The following ADK variants were observed in gnomAD, a reference collection of about 807,000 sequenced individuals.
ADK encodes the protein N6,N6-dimethyladenosine kinase.
A neutral mutation model predicts 44.7 loss-of-function variants in ADK; 24 were observed. The observed-to-expected ratio is 0.54, with a 90% CI of 0.39 to 0.76. ADK has a LOEUF of 0.76. ADK is among the 30% of genes least tolerant of loss of function. The pLI is 0.00. For missense variants in ADK, 321 were observed against 425.1 expected, an observed-to-expected ratio of 0.76 and a Z score of 2.15; for synonymous variants, 128 against 142.6, an observed-to-expected ratio of 0.90 and a Z score of 0.73.
At chr10:74,502,191 G>A (rs1847907330) in intron 6 of ADK, among the ~76,000 whole-genome samples, 2 of 152,024 alleles carry the variant, frequency 1.3e-5, no homozygotes. Context: ...TTTTAGCCCA[G>A]TGATTTCTTT....
At chr10:74,441,545 T>C (rs753496926) in intron 6 of ADK, among the ~76,000 whole-genome samples, 2 of 152,170 alleles carry the variant, frequency 1.3e-5, no homozygotes, top group Non-Finnish European at 2.9e-5. Flanking sequence ...TTATTTTACA[T>C]GAGACACAAA....
intron 7 of ADK, among the ~76,000 whole-genome samples, chr10:74,549,508 C>T (rs996916660): frequency 6.6e-6 from 1 of 152,190 alleles, no homozygotes; most frequent in Non-Finnish European, 1.5e-5. Flanking sequence ...AATCACCACT[C>T]AGTGGCAGTC....
chr10:74,235,897 G>A (rs1844941380), intron 3 of ADK, among the ~76,000 whole-genome samples: 1 of 152,218 alleles, frequency 6.6e-6, no homozygotes, highest in South Asian at 2.1e-4. Context: ...TTGTTATAAA[G>A]TGAGTCTGGC....
At chr10:74,388,134 C>G (rs531588835) in intron 4 of ADK, among the ~76,000 whole-genome samples, 1 of 152,068 alleles carries the variant, frequency 6.6e-6, no homozygotes, top group African/African-American at 2.4e-5. Flanking sequence ...CTTGAACTCC[C>G]AACCTCAGGT....
intron 6 of ADK, among the ~76,000 whole-genome samples, chr10:74,473,535 G>A (rs890523192): frequency 2.0e-5 from 3 of 152,136 alleles, no homozygotes; most frequent in African/African-American, 7.2e-5. Flanking sequence ...TTGTGGCCTT[G>A]ACACTTATGA....
chr10:74,480,112 G>A (rs1258910572), intron 6 of ADK, among the ~76,000 whole-genome samples: 3 of 151,552 alleles, frequency 2.0e-5, no homozygotes, highest in African/African-American at 7.3e-5. Context: ...AAGACAGCTT[G>A]GCTGCATATA....
intron 6 of ADK, among the ~76,000 whole-genome samples, chr10:74,416,031 TATACACACAC>T (rs1328115253): frequency 1.4e-3 from 115 of 82,866 alleles, no homozygotes; most frequent in African/African-American, 4.0e-3. Context: ...CACATACATA[TATACACACAC>T]ACACACACAC....
chr10:74,315,975 C>T (rs533292224), intron 4 of ADK, among the ~76,000 whole-genome samples: 36 of 152,092 alleles, frequency 2.4e-4, no homozygotes, highest in African/African-American at 6.7e-4. Flanking sequence ...CGGTGGCTCA[C>T]GCCTGTAATC....
intron 9 of ADK, among the ~76,000 whole-genome samples, chr10:74,607,170 C>G (rs1334409549): frequency 6.6e-6 from 1 of 152,050 alleles, no homozygotes; most frequent in African/African-American, 2.4e-5. Context: ...ACCAATGGGC[C>G]TTGACTCTTT....
chr10:74,242,879 C>A (rs1226056466), intron 3 of ADK, among the ~76,000 whole-genome samples: 1 of 152,174 alleles, frequency 6.6e-6, no homozygotes, highest in African/African-American at 2.4e-5. Flanking sequence ...TCAGGGAAGA[C>A]CACCTACTCT....
chr10:74,546,868 TA>T (rs923540873), intron 7 of ADK, among the ~76,000 whole-genome samples: 4 of 151,988 alleles, frequency 2.6e-5, no homozygotes, highest in Non-Finnish European at 5.9e-5. Flanking sequence ...AGCGATTTTT[TA>T]AAAAAAATTC....
At chr10:74,449,063 G>A (rs2133177513) in intron 6 of ADK, among the ~76,000 whole-genome samples, 1 of 152,278 alleles carries the variant, frequency 6.6e-6, no homozygotes, top group South Asian at 2.1e-4. Context: ...TGAGGAATTG[G>A]CCTATGTCAT....
chr10:74,310,432 T>G (rs982581021), intron 3 of ADK, among the ~76,000 whole-genome samples: 1 of 152,032 alleles, frequency 6.6e-6, no homozygotes, highest in African/African-American at 2.4e-5. Flanking sequence ...GTATTTCTTT[T>G]CTAACACCAT....
intron 7 of ADK, among the ~76,000 whole-genome samples, chr10:74,559,870 CT>C (rs1461757506): frequency 8.0e-6 from 1 of 125,204 alleles, no homozygotes; most frequent in Non-Finnish European, 1.8e-5. Context: ...TTTTTTTTTT[CT>C]TTTTCCTTTG....
At chr10:74,685,642 CAG>C (rs1269683471) in intron 10 of ADK, among the ~76,000 whole-genome samples, 2 of 152,134 alleles carry the variant, frequency 1.3e-5, no homozygotes, top group Non-Finnish European at 2.9e-5. Context: ...TATTCAAAAA[CAG>C]AAAACATAAA....
chr10:74,211,005 C>T (rs979930386), intron 2 of ADK, among the ~76,000 whole-genome samples: 1 of 152,104 alleles, frequency 6.6e-6, no homozygotes, highest in South Asian at 2.1e-4. Flanking sequence ...ATGCCTCAGT[C>T]TCCTGAGTAG....
chr10:74,404,692 A>T lies in ADK; in HGVS notation c.555+6113A>T, dbSNP rs576798345. On this transcript the variant is annotated intron_variant, in intron 6 of 10. Transcript: ENST00000539909. The stretch of plus-strand genomic sequence containing the variant: ...TTCCCCAAATTTTGCTGCTTTTAAG[A>T]TTTTTCATATGAGACCAGGTGCGGT... 7.9e-5 allele frequency among the ~76,000 whole-genome samples: 12 copies of T among 152,112 alleles called. No individual in the cohort carries two copies. The South Asian group carries it at 2.5e-3, about 32-fold the overall frequency.
chr10:74,416,599 A>G (rs1417538312), intron 6 of ADK, among the ~76,000 whole-genome samples: 4 of 149,774 alleles, frequency 2.7e-5, no homozygotes, highest in African/African-American at 9.8e-5. Context: ...TGGTAAGTCC[A>G]TGGATGCTTT....
chr10:74,483,821 A>G (rs1205764157), intron 6 of ADK, among the ~76,000 whole-genome samples: 1 of 152,208 alleles, frequency 6.6e-6, no homozygotes, highest in Non-Finnish European at 1.5e-5. Context: ...CCTTCACTCC[A>G]TTTGCCAAGA....
Sources: allele counts gnomAD v4.1 joint callset (sites outside exome capture counted in the v4.1 genomes callset), GRCh38; gene constraint gnomAD v4.1.1; transcripts MANE v1.5; gene names NCBI Gene and HGNC (gene_info 2026-07-23, HGNC 2026-07-21).